RGS7: variants seen among roughly 807,000 people sequenced by gnomAD.
RGS7 encodes regulator of G-protein signaling 7.
Under a neutral mutation model 81.1 loss-of-function variants are expected in RGS7, and 27 were observed. The observed-to-expected ratio is 0.33, with a 90% CI of 0.25 to 0.46. The LOEUF is 0.46. Ranked by LOEUF, RGS7 falls within the 20% of genes least tolerant of loss-of-function variation. The probability of loss-of-function intolerance (pLI) is 1.00; values close to 1 mark genes in which losing one functional copy is unlikely to be tolerated. For missense variants in RGS7, 396 were observed against 607.4 expected, an observed-to-expected ratio of 0.65 and a Z score of 3.66; for synonymous variants, 208 against 207.7, an observed-to-expected ratio of 1.00 and a Z score of -0.01.
intron 2 of RGS7, among the ~76,000 whole-genome samples, chr1:241,197,253 T>TAATCTCAAAGTAGATGGTA (rs2073150697): frequency 8.3e-5 from 3 of 36,120 alleles, no homozygotes; most frequent in Non-Finnish European, 1.2e-4. Flanking sequence ...CAAAGTATCT[T>TAATCTCAAAGTAGATGGTA]TTTTTTTTTT....
At chr1:241,117,074 G>A (rs2065928144) in intron 2 of RGS7, among the ~76,000 whole-genome samples, 1 of 152,090 alleles carries the variant, frequency 6.6e-6, no homozygotes, top group African/African-American at 2.4e-5. Flanking sequence ...CATTTGCAAA[G>A]CATTACAATG....
chr1:241,105,692 G>A (rs1023565429), intron 2 of RGS7, among the ~76,000 whole-genome samples: 2 of 152,214 alleles, frequency 1.3e-5, no homozygotes, highest in South Asian at 2.1e-4. Context: ...CATTATTATT[G>A]ATTTCATTAA....
chr1:241,110,990 T>C (rs2065477346), intron 2 of RGS7, among the ~76,000 whole-genome samples: 1 of 152,082 alleles, frequency 6.6e-6, no homozygotes, highest in Non-Finnish European at 1.5e-5. Flanking sequence ...TGGCCAAGCT[T>C]GCCATTTTAA....
Position 241,101,388 on chromosome 1 carries a change from C to T in RGS7, c.79-2626G>A, listed in dbSNP as rs769788629. Among the ~76,000 whole-genome samples the T allele has an allele frequency of 3.3e-5, 5 of 151,922 alleles. No homozygotes were observed. The South Asian group carries it at 6.2e-4, about 19-fold the overall frequency. ...ACAGGCGCCTGTAATCCCAGCTACT[C>T]GGGAGGCTGAGGCAGGAGAATCACC... On this transcript the variant is annotated intron_variant, in intron 2 of 18. Transcript: ENST00000440928.
chr1:241,267,912 T>C (rs1416201403), intron 2 of RGS7, among the ~76,000 whole-genome samples: 1 of 152,246 alleles, frequency 6.6e-6, no homozygotes, highest in Non-Finnish European at 1.5e-5. Flanking sequence ...AAAATTTAAC[T>C]TCAGTTGGTT....
rs2073978158 is a variant in RGS7, at chr1:241,207,347, G to GTATATATATATATATATATATA, written c.79-108586_79-108585insTATATATATATATATATATATA. On this transcript the variant is annotated intron_variant, in intron 2 of 18. Transcript: ENST00000440928. ...AGGTATGGAGTATGCACTTTAAAAT[G>GTATATATATATATATATATATA]CATATATATATATGCGTAAATATAC... 6.6e-5 allele frequency among the ~76,000 whole-genome samples: 6 copies of GTATATATATATATATATATATA among 91,224 alleles called. No homozygotes were observed. The Admixed American group carries it at 6.9e-4, about 11-fold the overall frequency. 59.8% of individuals were successfully genotyped at this position (91,224 alleles called of 152,430 possible).
chr1:241,005,362 T>TA (rs559763022), intron 3 of RGS7, among the ~76,000 whole-genome samples: 6 of 152,164 alleles, frequency 3.9e-5, no homozygotes, highest in Non-Finnish European at 8.8e-5. Flanking sequence ...GATTAAGGTA[T>TA]AAAACATTTC....
chr1:240,944,331 T>C (rs983222603), intron 4 of RGS7, among the ~76,000 whole-genome samples: 3 of 122,694 alleles, frequency 2.4e-5, no homozygotes, highest in African/African-American at 5.9e-5. Context: ...TATATATATA[T>C]ATGTTAGGTG....
At chr1:241,302,991 G>A (rs57366894) in intron 2 of RGS7, among the ~76,000 whole-genome samples, 1 of 146,224 alleles carries the variant, frequency 6.8e-6, no homozygotes, top group Admixed American at 6.7e-5. Context: ...TCCCACTCAC[G>A]GACCCATGAC....
At chr1:241,012,718 G>A (rs978429220) in intron 3 of RGS7, among the ~76,000 whole-genome samples, 20 of 152,170 alleles carry the variant, frequency 1.3e-4, no homozygotes, top group African/African-American at 4.8e-4. Context: ...TGCATCTGTA[G>A]AGAAAATCTA....
intron 6 of RGS7, among the ~76,000 whole-genome samples, chr1:240,888,050 G>A (rs1667675307): frequency 6.6e-6 from 1 of 152,194 alleles, no homozygotes; most frequent in Non-Finnish European, 1.5e-5. Flanking sequence ...GGGATTGGGA[G>A]TATAGACAAA....
chr1:240,851,527 G>C (rs1660098794), intron 9 of RGS7, among the ~76,000 whole-genome samples: 1 of 152,210 alleles, frequency 6.6e-6, no homozygotes, highest in Non-Finnish European at 1.5e-5. Context: ...ATGGATGAAA[G>C]AGTAATTTTG....
chr1:240,798,831 T>C lies in RGS7; in HGVS notation c.*6+1810A>G, dbSNP rs372292671. Among the ~76,000 whole-genome samples the C allele has an allele frequency of 1.5e-4, 23 of 152,320 alleles. No homozygotes were observed. The East Asian group carries it at 4.4e-3, about 29-fold the overall frequency. On this transcript the variant is annotated intron_variant, in intron 18 of 18. Coordinates refer to ENST00000440928, the MANE Select transcript of RGS7 (RefSeq NM_001364886.1). Reference sequence around the variant, plus strand: ...CATATTTGTTTACTATTTTCCCCTATTCCATTTCTTTCTTGGATACTGTTG... The same window carrying C: ...CATATTTGTTTACTATTTTCCCCTACTCCATTTCTTTCTTGGATACTGTTG...
intron 2 of RGS7, among the ~76,000 whole-genome samples, chr1:241,239,642 G>A (rs1174914070): frequency 1.3e-5 from 2 of 152,042 alleles, no homozygotes; most frequent in Admixed American, 6.6e-5. Context: ...CCTTACCAGG[G>A]ATGAACTGCC....
intron 3 of RGS7, among the ~76,000 whole-genome samples, chr1:241,011,244 G>A (rs1397353505): frequency 6.6e-6 from 1 of 152,210 alleles, no homozygotes; most frequent in Non-Finnish European, 1.5e-5. Flanking sequence ...CAAATGGACA[G>A]TGCATATTCT....
intron 2 of RGS7, among the ~76,000 whole-genome samples, chr1:241,159,946 GTAATATGGGCTTGAGGTTCTGCTTTAGA>G (rs1277714746): frequency 2.4e-4 from 36 of 151,958 alleles, no homozygotes; most frequent in African/African-American, 8.4e-4. Flanking sequence ...TTTATATTAA[GTAATATGGGCTTGAGGTTCTGCTTTAGA>G]TAATATGGAC....
intron 2 of RGS7, among the ~76,000 whole-genome samples, chr1:241,180,472 C>T (rs2071525515): frequency 6.6e-6 from 1 of 152,072 alleles, no homozygotes; most frequent in South Asian, 2.1e-4. Flanking sequence ...TTTGTTCTTC[C>T]TCAAAATAAA....
At chr1:241,246,347 T>C (rs891796605) in intron 2 of RGS7, among the ~76,000 whole-genome samples, 2 of 152,078 alleles carry the variant, frequency 1.3e-5, no homozygotes, top group Non-Finnish European at 2.9e-5. Context: ...TACCAATGCT[T>C]CACTACTAAG....
At chr1:240,786,316 G>T (rs891768640) in intron 18 of RGS7, among the ~76,000 whole-genome samples, 1 of 151,966 alleles carries the variant, frequency 6.6e-6, no homozygotes, top group Non-Finnish European at 1.5e-5. Context: ...ACTGTGCATG[G>T]TACTATGTCA....
Sources: allele counts gnomAD v4.1 joint callset (sites outside exome capture counted in the v4.1 genomes callset), GRCh38; gene constraint gnomAD v4.1.1; transcripts MANE v1.5; gene names NCBI Gene and HGNC (gene_info 2026-07-23, HGNC 2026-07-21).